Variants in MTMR7 observed in about 807,000 individuals in gnomAD.
The protein encoded by MTMR7 is myotubularin related protein 7.
Under a neutral mutation model 81.2 loss-of-function variants are expected in MTMR7, and 76 were observed. The ratio of observed to expected loss-of-function variants is 0.94; its 90% confidence interval spans 0.78 to 1.13. The LOEUF is 1.13. Among genes scored for constraint, MTMR7 ranks in the 50% most tolerant of loss-of-function variants. The probability of loss-of-function intolerance (pLI) is 0.00; values close to 1 mark genes in which losing one functional copy is unlikely to be tolerated. For missense variants in MTMR7, 1,044 were observed against 820.0 expected (o/e 1.27, Z -3.34); for synonymous variants, 372 against 289.8 (o/e 1.28, Z -2.88).
intron 10 of MTMR7, among the ~76,000 whole-genome samples, chr8:17,306,480 C>T (rs752599076): frequency 3.9e-5 from 6 of 152,128 alleles, no homozygotes; most frequent in African/African-American, 7.2e-5. Context: ...TTCCATGTGA[C>T]GACAGATTCC....
chr8:17,341,662 T>A (rs1312604485), intron 5 of MTMR7, among the ~76,000 whole-genome samples, 165 bp from the exon 6 acceptor site: 1 of 152,296 alleles, frequency 6.6e-6, no homozygotes, highest in Middle Eastern at 3.4e-3. Context: ...TTTATTAAAA[T>A]TCAAGTCAAA....
At chr8:17,335,338 T>A (rs964091293) in intron 6 of MTMR7, among the ~76,000 whole-genome samples, 1 of 152,096 alleles carries the variant, frequency 6.6e-6, no homozygotes, top group Middle Eastern at 3.2e-3. Flanking sequence ...AATGACTGGA[T>A]AACAGAATGA....
At position 17,299,856 on chromosome 8, in the gene MTMR7, G is replaced by C. The variant is rs762507906; in HGVS notation, c.*6C>G. ...GTCCTTTACTTTGGAACTCCAAAGG[G>C]AAACTTCAGGCAGTGAGAAACACGG... On this transcript the variant is annotated 3_prime_UTR_variant, in exon 14 of 14. Coordinates refer to ENST00000180173, the MANE Select transcript of MTMR7 (RefSeq NM_004686.5). The C allele has an allele frequency of 6.2e-7, 1 of 1,613,458 alleles. No individual in the cohort carries two copies. Among genetic ancestry groups the C allele is most frequent in the Non-Finnish European group, 8.5e-7 (1 of 1,179,522 alleles).
intron 1 of MTMR7, among the ~76,000 whole-genome samples, chr8:17,390,139 G>C (rs1299112664): frequency 2.0e-5 from 3 of 151,862 alleles, no homozygotes; most frequent in Non-Finnish European, 4.4e-5. Flanking sequence ...AGAAATAACT[G>C]ACACTGGGTA....
intron 7 of MTMR7, among the ~76,000 whole-genome samples, chr8:17,320,174 T>A (rs1292859107): frequency 6.6e-6 from 1 of 152,112 alleles, no homozygotes; most frequent in Non-Finnish European, 1.5e-5. Flanking sequence ...TCTTTTTACT[T>A]TTAATGTGGC....
chr8:17,335,545 G>A (rs192004060), intron 6 of MTMR7, among the ~76,000 whole-genome samples: 28 of 152,290 alleles, frequency 1.8e-4, no homozygotes, highest in Non-Finnish European at 7.4e-5. Context: ...CAGTGCCTAC[G>A]CTGACATGGT....
chr8:17,343,856 T>C (rs549066645), intron 5 of MTMR7, among the ~76,000 whole-genome samples: 3 of 152,346 alleles, frequency 2.0e-5, no homozygotes, highest in Admixed American at 2.0e-4. Flanking sequence ...CTCAGTGCTT[T>C]TGTGCACCTA....
Position 17,361,638 on chromosome 8 carries a change from A to AT in MTMR7, c.311-365dup, listed in dbSNP as rs200820542. On this transcript the variant is annotated intron_variant, in intron 3 of 13. Transcript: ENST00000180173. ...TGCATTCATTAGGCATGAAGATTCC[A>AT]TTTTTTTAATGCCTATCAAGCTTGG... is the stretch of plus-strand genomic sequence containing the variant. 2.8e-4 allele frequency among the ~76,000 whole-genome samples: 43 copies of AT among 152,310 alleles called. 1 individual carries two copies. The East Asian group carries it at 7.9e-3, about 28-fold the overall frequency.
chr8:17,349,866 A>G (rs2150548828), intron 4 of MTMR7, among the ~76,000 whole-genome samples: 1 of 152,244 alleles, frequency 6.6e-6, no homozygotes, highest in East Asian at 1.9e-4. Flanking sequence ...GCAGTTTAGG[A>G]CCTGGCTCTG....
intron 6 of MTMR7, among the ~76,000 whole-genome samples, chr8:17,335,448 T>G (rs970593794): frequency 6.6e-6 from 1 of 152,176 alleles, no homozygotes; most frequent in Non-Finnish European, 1.5e-5. Context: ...TGTGTTCATC[T>G]TGGTATCAGG....
At chr8:17,368,961 C>T (rs973823812) in intron 3 of MTMR7, among the ~76,000 whole-genome samples, 1 of 152,156 alleles carries the variant, frequency 6.6e-6, no homozygotes, top group African/African-American at 2.4e-5. Flanking sequence ...AGTAATTTCC[C>T]CCTCAGGGAT....
chr8:17,370,684 A>G (rs1423232117), intron 3 of MTMR7, among the ~76,000 whole-genome samples: 2 of 152,012 alleles, frequency 1.3e-5, no homozygotes, highest in Admixed American at 6.6e-5. Flanking sequence ...ACACAAAACA[A>G]CTGATTAGTT....
chr8:17,329,886 C>A (rs1407087884), intron 7 of MTMR7, among the ~76,000 whole-genome samples: 3 of 152,160 alleles, frequency 2.0e-5, no homozygotes, highest in African/African-American at 7.2e-5. Context: ...ACCTGAGAGA[C>A]TGACTGCCAA....
intron 1 of MTMR7, among the ~76,000 whole-genome samples, chr8:17,399,988 A>AT (rs1284313810): frequency 8.6e-5 from 13 of 151,928 alleles, no homozygotes; most frequent in Non-Finnish European, 2.9e-5. Flanking sequence ...TTCTATATAC[A>AT]TTTTAAAGAT....
At chr8:17,303,276 A>G (rs1300967978) in intron 12 of MTMR7, among the ~76,000 whole-genome samples, 4 of 152,184 alleles carry the variant, frequency 2.6e-5, no homozygotes, top group African/African-American at 7.2e-5. Context: ...CTTGTCTTAC[A>G]TGCACTATGG....
intron 10 of MTMR7, among the ~76,000 whole-genome samples, chr8:17,307,462 G>A (rs952664041): frequency 6.6e-6 from 1 of 152,146 alleles, no homozygotes; most frequent in Non-Finnish European, 1.5e-5. Context: ...TTCAACCATT[G>A]TGGAAGTCAG....
chr8:17,313,304 G>T lies in MTMR7; in HGVS notation c.963C>A (p.Ile321=), dbSNP rs1290279609. 6.2e-7 allele frequency: 1 copy of T among 1,610,692 alleles called. No homozygotes were observed. Among genetic ancestry groups the T allele is most frequent in the Admixed American group, 1.7e-5 (1 of 59,816 alleles). Reference sequence around the variant, plus strand: ...TGCAATTGCATACCTTTGCAATGAAGATTCCTGCATCCATTATGGCTTTAA... The same window carrying T: ...TGCAATTGCATACCTTTGCAATGAATATTCCTGCATCCATTATGGCTTTAA... ...RHIKAIMDAG[I]FIAKAVSEEG... Residue 321 remains isoleucine, a synonymous_variant, in exon 8 of 14, where the codon ATC becomes ATA. Transcript: ENST00000180173.
chr8:17,339,101 T>C (rs895356529), intron 6 of MTMR7: 2 of 152,192 alleles, frequency 1.3e-5, no homozygotes, highest in Admixed American at 6.5e-5. Context: ...ACACAAAGGA[T>C]AGGATGCAGT....
At chr8:17,367,292 G>C (rs538724953) in intron 3 of MTMR7, among the ~76,000 whole-genome samples, 10 of 152,096 alleles carry the variant, frequency 6.6e-5, no homozygotes, top group Non-Finnish European at 1.5e-4. Flanking sequence ...TTTAAGTGTT[G>C]AAGTACCCAC....
Sources: allele counts gnomAD v4.1 joint callset (sites outside exome capture counted in the v4.1 genomes callset), GRCh38; gene constraint gnomAD v4.1.1; transcripts MANE v1.5; gene names NCBI Gene and HGNC (gene_info 2026-07-23, HGNC 2026-07-21).